Variants in TRAPPC2 observed in about 807,000 individuals in gnomAD.
TRAPPC2 encodes sedlin.
TRAPPC2 carries 4 observed loss-of-function variants against 10.0 expected under a neutral mutation model. The observed-to-expected ratio is 0.40, with a 90% CI of 0.20 to 0.92. The LOEUF is 0.92. Ranked by LOEUF, TRAPPC2 falls within the 40% of genes least tolerant of loss-of-function variation. The pLI, the probability that TRAPPC2 is intolerant of heterozygous loss-of-function variation, is 0.35. For missense variants in TRAPPC2, 52 were observed against 108.7 expected, an observed-to-expected ratio of 0.48 and a Z score of 2.32; for synonymous variants, 36 against 37.3, an observed-to-expected ratio of 0.97 and a Z score of 0.12.
At position 13,728,253 on chromosome X, in the gene TRAPPC2, A is replaced by G. The variant is rs2046597686; in HGVS notation, c.-20+5791T>C. Among the ~76,000 whole-genome samples the G allele has an allele frequency of 7.1e-5, 8 of 112,129 alleles. No homozygotes were observed. The South Asian group carries it at 2.9e-3, about 41-fold the overall frequency. ...GAATCCTCCCTAACTCATTTTATGA[A>G]GCCAACATCATCCTGATACCAAAGC... On this transcript the variant is annotated intron_variant, in intron 2 of 5. Coordinates refer to ENST00000380579, the MANE Select transcript of TRAPPC2 (RefSeq NM_001011658.4).
intron 2 of TRAPPC2, chrX:13,721,460 G>A (rs2046404757): frequency 8.9e-6 from 1 of 111,922 alleles, no homozygotes; most frequent in African/African-American, 3.3e-5. Flanking sequence ...CTGGGATGTG[G>A]TGACTAGTAA....
intron 2 of TRAPPC2, among the ~76,000 whole-genome samples, chrX:13,726,567 T>G (rs2046554904): frequency 9.0e-6 from 1 of 111,701 alleles, no homozygotes; most frequent in Non-Finnish European, 1.9e-5. Context: ...AGAGATTTTG[T>G]CACCACCAGG....
At chrX:13,729,400 T>G (rs1242446112) in intron 2 of TRAPPC2, among the ~76,000 whole-genome samples, 1 of 111,256 alleles carries the variant, frequency 9.0e-6, no homozygotes, top group Non-Finnish European at 1.9e-5. Context: ...CCGAAACAGA[T>G]ATATAGACCA....
At chrX:13,733,993 T>C (rs1433907173) in intron 2 of TRAPPC2, 51 bp downstream of exon 2, 24 of 511,619 alleles carry the variant, frequency 4.7e-5, no homozygotes, top group Non-Finnish European at 3.5e-6. Context: ...TCTGAGAGGT[T>C]TGGTTCCTTT....
chrX:13,722,710 G>A (rs979044794), intron 2 of TRAPPC2, among the ~76,000 whole-genome samples: 2 of 111,944 alleles, frequency 1.8e-5, no homozygotes, highest in African/African-American at 6.5e-5. Flanking sequence ...AACTTTCTGC[G>A]AGGACAGAAA....
chrX:13,723,079 G>C (rs1199970533), intron 2 of TRAPPC2, among the ~76,000 whole-genome samples: 2 of 81,246 alleles, frequency 2.5e-5, no homozygotes, highest in Non-Finnish European at 4.6e-5. Context: ...CCTGGTGACA[G>C]AGCAAGACTC....
chrX:13,722,787 G>C (rs2046449591), intron 2 of TRAPPC2, among the ~76,000 whole-genome samples: 1 of 111,936 alleles, frequency 8.9e-6, no homozygotes, highest in African/African-American at 3.3e-5. Context: ...GTGTAGGCCA[G>C]GCGCGGTGGC....
chrX:13,716,433 G>A (rs2046287438), intron 4 of TRAPPC2, 101 bp downstream of exon 4: 2 of 1,023,478 alleles, frequency 2.0e-6, no homozygotes, highest in African/African-American at 3.7e-5. Context: ...TCACCTGACT[G>A]TGAAGTCTAC....
At chrX:13,724,603 GTA>G (rs2046501424) in intron 2 of TRAPPC2, among the ~76,000 whole-genome samples, 1 of 111,568 alleles carries the variant, frequency 9.0e-6, no homozygotes, top group Admixed American at 9.5e-5. Flanking sequence ...CTCAAGATAG[GTA>G]TATTAAGAAA....
chrX:13,714,845 CA>C (rs775472668), intron 5 of TRAPPC2, among the ~76,000 whole-genome samples: 230 of 111,927 alleles, frequency 2.1e-3, no homozygotes, highest in Non-Finnish European at 3.1e-3. Flanking sequence ...CTACATAAAA[CA>C]AAAAAATCTG....
intron 3 of TRAPPC2, 58 bp from the exon 4 acceptor site, chrX:13,716,736 G>GA: frequency 1.7e-6 from 2 of 1,147,053 alleles, no homozygotes; most frequent in Non-Finnish European, 2.4e-6. Flanking sequence ...CGAGAATGCT[G>GA]ACATTTCATT....
chrX:13,716,748 T>C, intron 3 of TRAPPC2, 70 bp from the exon 4 acceptor site: 3 of 1,118,353 alleles, frequency 2.7e-6, no homozygotes, highest in Non-Finnish European at 3.7e-6. Flanking sequence ...CATTTCATTC[T>C]GTAAATTCTA....
chrX:13,716,109 ATCTT>A lies in TRAPPC2; in HGVS notation c.239-24_239-21del, dbSNP rs770027691. On this transcript the variant is annotated intron_variant, in intron 4 of 5. Transcript: ENST00000380579. ...TCATATGTGAAATAATTAAGGCATA[ATCTT>A]TCTTAGAAATGAAAAACAAAAAGCA... 1.2e-4 allele frequency: 139 copies of A among 1,170,711 alleles called. No homozygotes were observed. The highest frequency in any genetic ancestry group is 1.6e-4 in the Non-Finnish European group (136 of 872,118).
At chrX:13,724,770 G>A (rs1255349720) in intron 2 of TRAPPC2, among the ~76,000 whole-genome samples, 1 of 112,702 alleles carries the variant, frequency 8.9e-6, no homozygotes, top group African/African-American at 3.2e-5. Context: ...TGCAGCCCAT[G>A]GAGGGCGAGC....
chrX:13,722,629 C>T (rs182127735), intron 2 of TRAPPC2, among the ~76,000 whole-genome samples: 1 of 111,848 alleles, frequency 8.9e-6, no homozygotes, highest in Non-Finnish European at 1.9e-5. Flanking sequence ...GCTGCAAACA[C>T]TTAGCAAATA....
chrX:13,725,983 T>C (rs982422510), intron 2 of TRAPPC2, among the ~76,000 whole-genome samples: 2 of 111,681 alleles, frequency 1.8e-5, no homozygotes, highest in African/African-American at 3.3e-5. Flanking sequence ...AATAACTGAT[T>C]TGATCAAGTA....
At position 13,713,182 on chromosome X, in the gene TRAPPC2, G is replaced by T. The variant is rs2046237576; in HGVS notation, c.*1225C>A. 9.1e-6 allele frequency: 1 copy of T among 109,895 alleles called. No individual in the cohort carries two copies. Among genetic ancestry groups the T allele is most frequent in the Non-Finnish European group, 1.9e-5 (1 of 52,781 alleles). 9.1% of individuals were successfully genotyped at this position (109,895 alleles called of 1,213,427 possible). On this transcript the variant is annotated 3_prime_UTR_variant, in exon 6 of 6. Coordinates refer to ENST00000380579, the MANE Select transcript of TRAPPC2 (RefSeq NM_001011658.4). ...AGCTTATTCCTGGCCGGGCACGGTGGTTCATGCCTGTAATCCTAGCACTTT... is the reference window on the plus strand; with the variant it reads ...AGCTTATTCCTGGCCGGGCACGGTGTTTCATGCCTGTAATCCTAGCACTTT...
intron 5 of TRAPPC2, 45 bp downstream of exon 5, chrX:13,715,959 G>A (rs754294516): frequency 4.4e-6 from 5 of 1,142,473 alleles, no homozygotes; most frequent in South Asian, 3.9e-5. Context: ...GACAAAGGTC[G>A]AATCCTTTCT....
chrX:13,722,459 T>C (rs2046441907), intron 2 of TRAPPC2, among the ~76,000 whole-genome samples: 1 of 111,081 alleles, frequency 9.0e-6, no homozygotes, highest in Non-Finnish European at 1.9e-5. Flanking sequence ...ATACATTCCA[T>C]GCTTGACTTC....
Sources: gnomAD v4.1 joint callset for allele counts (sites outside exome capture counted in the v4.1 genomes callset) on GRCh38, gnomAD v4.1.1 for gene constraint, MANE v1.5 for transcripts, NCBI Gene and HGNC (gene_info 2026-07-23, HGNC 2026-07-21) for gene names.